RAPGEF6: variants seen among roughly 807,000 people sequenced by gnomAD.
RAPGEF6 encodes PDZ domain containing guanine nucleotide exchange factor (GEF) 2.
In RAPGEF6, 56 loss-of-function variants were observed where a neutral mutation model predicts 171.4. That is an observed-to-expected ratio of 0.33 (90% CI 0.26 to 0.41). The LOEUF is 0.41. Ranked by LOEUF, RAPGEF6 falls within the 10% of genes least tolerant of loss-of-function variation. RAPGEF6 has a pLI of 1.00. For synonymous variants in RAPGEF6, 692 were observed against 650.1 expected (o/e 1.06, Z -0.98); for missense variants, 1,674 against 1,921.4 (o/e 0.87, Z 2.41).
At chr5:131,597,161 CACA>C (rs1309571456) in intron 3 of RAPGEF6, among the ~76,000 whole-genome samples, 6 of 152,112 alleles carry the variant, frequency 3.9e-5, no homozygotes, top group African/African-American at 1.2e-4. Flanking sequence ...AAACTCAAAT[CACA>C]ACAAGACACC....
At chr5:131,575,486 T>C (rs1762551374) in intron 4 of RAPGEF6, among the ~76,000 whole-genome samples, 1 of 152,162 alleles carries the variant, frequency 6.6e-6, no homozygotes, top group Non-Finnish European at 1.5e-5. Flanking sequence ...AAAACACAAG[T>C]GCTCTCCCTG....
intron 17 of RAPGEF6, among the ~76,000 whole-genome samples, chr5:131,471,724 C>T (rs1004030835): frequency 6.0e-5 from 9 of 149,392 alleles, no homozygotes; most frequent in African/African-American, 2.2e-4. Context: ...ATTTTTGCCT[C>T]AAGACATGAA....
At chr5:131,579,152 C>T (rs1561578216) in intron 4 of RAPGEF6, among the ~76,000 whole-genome samples, 1 of 152,036 alleles carries the variant, frequency 6.6e-6, no homozygotes, top group Non-Finnish European at 1.5e-5. Context: ...AAGGCGGCAC[C>T]TCTGGAGTTG....
intron 6 of RAPGEF6, among the ~76,000 whole-genome samples, chr5:131,535,245 A>C (rs1759687602): frequency 6.6e-6 from 1 of 152,174 alleles, no homozygotes; most frequent in East Asian, 1.9e-4. Context: ...CAATACTAAG[A>C]AAAGAAACAG....
rs990891498 is a variant in RAPGEF6, at chr5:131,479,713, A to G, written c.1881T>C (p.Ser627=). The G allele has an allele frequency of 2.5e-5, 40 of 1,613,914 alleles. No individual in the cohort carries two copies. The highest frequency in any genetic ancestry group is 3.1e-5 in the Non-Finnish European group (36 of 1,179,898). The change falls in exon 16 of 28, where the codon TCT becomes TCC. Residue 627 remains serine, a synonymous_variant. Transcript: ENST00000509018. ...ELLFRTEQEK[S]GVPHIPKIAE... is the part of the protein sequence containing the mutation. ...CAATTTTGGGAATATGAGGAACACC[A>G]GATTTCTCTTGTTCAGTCCTAAAAA...
At chr5:131,619,388 C>T (rs1321234249) in intron 1 of RAPGEF6, among the ~76,000 whole-genome samples, 8 of 152,098 alleles carry the variant, frequency 5.3e-5, no homozygotes, top group Admixed American at 3.3e-4. Context: ...TTGATGGGTA[C>T]GGCAAACCAC....
intron 6 of RAPGEF6, among the ~76,000 whole-genome samples, chr5:131,536,801 A>G (rs1759807409): frequency 6.6e-6 from 1 of 152,224 alleles, no homozygotes; most frequent in South Asian, 2.1e-4. Context: ...ACTCAAGTAT[A>G]TGCAAACCTA....
At chr5:131,545,527 G>C (rs1316887592) in intron 6 of RAPGEF6, among the ~76,000 whole-genome samples, 3 of 152,028 alleles carry the variant, frequency 2.0e-5, no homozygotes, top group African/African-American at 4.8e-5. Flanking sequence ...CCCTATAAAG[G>C]CCATTAAACC....
In RAPGEF6 at chr5:131,521,474, T is replaced by C. The variant is rs774729368; in HGVS notation, c.543A>G (p.Pro181=). 2 of 1,612,496 alleles carry C rather than the reference T, an allele frequency of 1.2e-6. No homozygotes were observed. The highest frequency in any genetic ancestry group is 1.7e-6 in the Non-Finnish European group (2 of 1,179,156). ...TKMHLTENPH[P]QVTHVSSSQS... is the part of the protein sequence containing the mutation. ...GACTAGAAGACACATGAGTCACCTG[T>C]GGATGAGGGTTTTCTGTGAGATGCA... The change falls in exon 7 of 28, where the codon CCA becomes CCG. Residue 181 remains proline (P), a synonymous_variant. Coordinates refer to ENST00000509018, the MANE Select transcript of RAPGEF6 (RefSeq NM_016340.6).
At chr5:131,541,854 C>T (rs1188767344) in intron 6 of RAPGEF6, among the ~76,000 whole-genome samples, 1 of 152,124 alleles carries the variant, frequency 6.6e-6, no homozygotes, top group Non-Finnish European at 1.5e-5. Context: ...TTGTTTTGGG[C>T]TAAACGAATG....
At chr5:131,524,608 T>TGGAGAGAGAGAGAG (rs1758745734) in intron 6 of RAPGEF6, among the ~76,000 whole-genome samples, 1 of 40,996 alleles carries the variant, frequency 2.4e-5, no homozygotes, top group African/African-American at 9.0e-5. Context: ...GAGAGAGAGA[T>TGGAGAGAGAGAGAG]TGAGAGAGAG....
At chr5:131,585,595 G>A (rs1411863285) in intron 4 of RAPGEF6, among the ~76,000 whole-genome samples, 1 of 152,210 alleles carries the variant, frequency 6.6e-6, no homozygotes, top group African/African-American at 2.4e-5. Flanking sequence ...GGAGGCCGAG[G>A]TGGATGGATC....
intron 3 of RAPGEF6, among the ~76,000 whole-genome samples, chr5:131,599,902 A>T (rs1055580187): frequency 6.6e-6 from 1 of 152,260 alleles, no homozygotes; most frequent in African/African-American, 2.4e-5. Context: ...TGTGCAAGAT[A>T]GACCAATTGT....
At chr5:131,631,094 T>C (rs1011723147) in intron 1 of RAPGEF6, among the ~76,000 whole-genome samples, 3 of 152,246 alleles carry the variant, frequency 2.0e-5, no homozygotes, top group African/African-American at 7.2e-5. Flanking sequence ...TGGTACTCAC[T>C]GTCCTTGGTC....
chr5:131,616,547 G>A (rs940720190), intron 1 of RAPGEF6, among the ~76,000 whole-genome samples: 4 of 151,940 alleles, frequency 2.6e-5, no homozygotes, highest in Non-Finnish European at 5.9e-5. Flanking sequence ...ACTCAAACTG[G>A]GATGCTTAAA....
At chr5:131,504,343 T>A (rs1455891554) in intron 11 of RAPGEF6, among the ~76,000 whole-genome samples, 1 of 151,972 alleles carries the variant, frequency 6.6e-6, no homozygotes, top group African/African-American at 2.4e-5. Flanking sequence ...ATGCCTGTAA[T>A]CTCAGCTACT....
At chr5:131,552,701 T>C (rs952851788) in intron 5 of RAPGEF6, among the ~76,000 whole-genome samples, 2 of 152,084 alleles carry the variant, frequency 1.3e-5, no homozygotes, top group African/African-American at 4.8e-5. Flanking sequence ...TCTCAGGTGA[T>C]CCACCTGCCT....
In RAPGEF6 at chr5:131,429,354, A is replaced by G. The variant is rs73254503; in HGVS notation, c.4466-138T>C. On this transcript the variant is annotated intron_variant, in intron 26 of 27. Transcript: ENST00000509018. ...GAATAAACTTGAATGATGGCAGATCAAAAACATTTTTTAAAAGTTTAATAA... is the reference window on the plus strand; with the variant it reads ...GAATAAACTTGAATGATGGCAGATCGAAAACATTTTTTAAAAGTTTAATAA... The G allele has an allele frequency of 9.4e-4, 707 of 754,898 alleles. 8 individuals are homozygous for G. The African/African-American group carries it at 0.012, about 13-fold the overall frequency. The allele number at this position is 754,898 out of a possible 1,614,324, so 46.8% of individuals were successfully genotyped here.
At position 131,547,151 on chromosome 5, in the gene RAPGEF6, C is replaced by T. The variant is rs544219991; in HGVS notation, c.495+896G>A. 2.0e-5 allele frequency among the ~76,000 whole-genome samples: 3 copies of T among 152,308 alleles called. No individual in the cohort carries two copies. In the South Asian group the frequency reaches 6.2e-4, roughly 32 times the overall value. On this transcript the variant is annotated intron_variant, in intron 6 of 27. Transcript: ENST00000509018. ...AACATTAGAGCTGCCTTAATTCTAA[C>T]ACTTATTCCAGTACAAACAACTCTC...
Sources: gnomAD v4.1 joint callset for allele counts (sites outside exome capture counted in the v4.1 genomes callset) on GRCh38, gnomAD v4.1.1 for gene constraint, MANE v1.5 for transcripts, NCBI Gene and HGNC (gene_info 2026-07-23, HGNC 2026-07-21) for gene names.